Variants in CEP15 observed in about 807,000 individuals in gnomAD.
CEP15 encodes the protein centrosomal protein 15 kDa.
the CEP15 span, among the ~76,000 whole-genome samples, chr3:62,331,594 T>C: frequency 6.6e-6 from 1 of 152,192 alleles, no homozygotes; most frequent in African/African-American, 2.4e-5. Context: ...AGTATCTTGA[T>C]TTTAAAAAGT....
the CEP15 span, among the ~76,000 whole-genome samples, chr3:62,326,022 CAAA>C: frequency 7.5e-5 from 8 of 106,702 alleles, no homozygotes; most frequent in Admixed American, 2.9e-4. Context: ...GACTTCGTCT[CAAA>C]AAAAAAAAAA....
At chr3:62,320,062 T>G in the CEP15 span, among the ~76,000 whole-genome samples, 1 of 152,242 alleles carries the variant, frequency 6.6e-6, no homozygotes, top group South Asian at 2.1e-4. Context: ...CTTGTTTGCC[T>G]GCCTTTCTGT....
the CEP15 span, chr3:62,321,895 T>C: frequency 8.6e-6 from 13 of 1,511,232 alleles, no homozygotes; most frequent in East Asian, 3.0e-4. This position sits in a 1 kb window ranked among gnomAD's most constrained non-coding sequence, Gnocchi z 4.1. Flanking sequence ...TGCTTTTACT[T>C]TTTTAACTCT....
At chr3:62,326,022 CAAAA>C in the CEP15 span, among the ~76,000 whole-genome samples, 1 of 106,734 alleles carries the variant, frequency 9.4e-6, no homozygotes, top group Non-Finnish European at 2.0e-5. Flanking sequence ...GACTTCGTCT[CAAAA>C]AAAAAAAAAA....
chr3:62,322,119 C>A, the CEP15 span: 1 of 1,505,716 alleles, frequency 6.6e-7, no homozygotes, highest in Non-Finnish European at 9.0e-7. The surrounding 1 kb of genome is among the most constrained non-coding windows in gnomAD (Gnocchi z 5.5). Flanking sequence ...AGGTAAGTTT[C>A]ATAAAATTGA....
the CEP15 span, chr3:62,331,505 C>T: frequency 2.0e-6 from 2 of 982,762 alleles, no homozygotes; most frequent in South Asian, 2.9e-5. Flanking sequence ...TATATTTATT[C>T]AGTAAATTAA....
the CEP15 span, chr3:62,334,689 C>G: frequency 6.6e-6 from 1 of 151,810 alleles, no homozygotes; most frequent in African/African-American, 2.4e-5. The surrounding 1 kb of genome is among the most constrained non-coding windows in gnomAD (Gnocchi z 4.9). Flanking sequence ...AAGCTAAAAG[C>G]CTTTGAAAAA....
chr3:62,330,176 G>GCT, the CEP15 span, among the ~76,000 whole-genome samples: 1 of 151,954 alleles, frequency 6.6e-6, no homozygotes, highest in South Asian at 2.1e-4. Flanking sequence ...CCCATTCCTT[G>GCT]CTCCCGCCGC....
chr3:62,333,431 G>T, the CEP15 span: 3 of 1,593,810 alleles, frequency 1.9e-6, no homozygotes, highest in Non-Finnish European at 2.6e-6. The surrounding 1 kb of genome is among the most constrained non-coding windows in gnomAD (Gnocchi z 4.0). Context: ...TAATAAAGCT[G>T]AATGTTAAGG....
chr3:62,328,757 G>A, the CEP15 span, among the ~76,000 whole-genome samples: 1 of 149,206 alleles, frequency 6.7e-6, no homozygotes, highest in Non-Finnish European at 1.5e-5. Flanking sequence ...TACATGCCCT[G>A]CACTTTGTTA....
the CEP15 span, chr3:62,322,299 A>G: frequency 5.6e-6 from 2 of 359,714 alleles, no homozygotes; most frequent in African/African-American, 2.2e-5. The surrounding 1 kb of genome is among the most constrained non-coding windows in gnomAD (Gnocchi z 5.5). Flanking sequence ...ATCAATGACT[A>G]CAGAAGGAAT....
the CEP15 span, among the ~76,000 whole-genome samples, chr3:62,321,030 C>A: frequency 1.3e-5 from 2 of 152,142 alleles, no homozygotes; most frequent in African/African-American, 2.4e-5. This position sits in a 1 kb window ranked among gnomAD's most constrained non-coding sequence, Gnocchi z 4.1. Context: ...ACGTTCTTTC[C>A]TTGGCTCCTA....
chr3:62,333,496 T>TTATC, the CEP15 span: 2 of 1,249,472 alleles, frequency 1.6e-6, no homozygotes, highest in South Asian at 1.5e-5. The surrounding 1 kb of genome is among the most constrained non-coding windows in gnomAD (Gnocchi z 4.0). Context: ...TATTCTTCGA[T>TTATC]TATCTCCTAA....
the CEP15 span, among the ~76,000 whole-genome samples, chr3:62,324,327 G>C: frequency 6.6e-6 from 1 of 152,030 alleles, no homozygotes; most frequent in Non-Finnish European, 1.5e-5. Context: ...CAGGAGTTCA[G>C]GGTTGCAGTG....
the CEP15 span, among the ~76,000 whole-genome samples, chr3:62,332,414 C>T: frequency 7.9e-5 from 12 of 152,096 alleles, no homozygotes; most frequent in East Asian, 1.9e-3. Context: ...TTTTGTGTTT[C>T]TAGTGCTATC....
chr3:62,335,077 A>C, the CEP15 span: 1 of 152,146 alleles, frequency 6.6e-6, no homozygotes, highest in African/African-American at 2.4e-5. Context: ...GCAAATTCCA[A>C]AATTACACAG....
the CEP15 span, chr3:62,322,098 A>C: frequency 1.3e-6 from 2 of 1,574,664 alleles, no homozygotes; most frequent in Non-Finnish European, 1.7e-6. The surrounding 1 kb of genome is among the most constrained non-coding windows in gnomAD (Gnocchi z 5.5). Flanking sequence ...CCACCTTCTC[A>C]AAAATCTTTT....
the CEP15 span, chr3:62,322,110 G>A: frequency 6.5e-7 from 1 of 1,545,608 alleles, no homozygotes; most frequent in East Asian, 2.3e-5. The surrounding 1 kb of genome is among the most constrained non-coding windows in gnomAD (Gnocchi z 5.5). Context: ...AAATCTTTTA[G>A]GTAAGTTTCA....
At chr3:62,323,229 A>AC in the CEP15 span, among the ~76,000 whole-genome samples, 1 of 152,226 alleles carries the variant, frequency 6.6e-6, no homozygotes, top group South Asian at 2.1e-4. Flanking sequence ...GATATCAAGA[A>AC]CCCAGAAACT....
Sources: gnomAD v4.1 joint callset for allele counts (sites outside exome capture counted in the v4.1 genomes callset) on GRCh38, gnomAD v4.1.1 for gene constraint, Gnocchi (gnomAD v3.1) non-coding constraint, MANE v1.5 for transcripts, NCBI Gene and HGNC (gene_info 2026-07-23, HGNC 2026-07-21) for gene names.